DIPK1A: variants seen among roughly 807,000 people sequenced by gnomAD.
The protein encoded by DIPK1A is divergent protein kinase domain 1A.
Under a neutral mutation model 40.8 loss-of-function variants are expected in DIPK1A, and 27 were observed. The ratio of observed to expected loss-of-function variants is 0.66; its 90% CI spans 0.49 to 0.91. The LOEUF (loss-of-function observed/expected upper bound fraction) is 0.91, where lower values mean the gene tolerates loss of function less well. Ranked by LOEUF, DIPK1A falls within the 40% of genes least tolerant of loss-of-function variation. The pLI, the probability that DIPK1A is intolerant of heterozygous loss-of-function variation, is 0.00. For missense variants in DIPK1A, 412 were observed against 505.7 expected (o/e 0.81, Z 1.78); for synonymous variants, 166 against 171.3 (o/e 0.97, Z 0.24).
intron 1 of DIPK1A, among the ~76,000 whole-genome samples, chr1:92,919,575 C>T (rs1335015314): frequency 1.3e-5 from 2 of 152,172 alleles, no homozygotes; most frequent in Admixed American, 6.5e-5. Context: ...ATCATGCTTT[C>T]CTCTGTGCTA....
At chr1:92,952,553 G>A (rs1651674781) in intron 1 of DIPK1A, among the ~76,000 whole-genome samples, 1 of 152,124 alleles carries the variant, frequency 6.6e-6, no homozygotes, top group South Asian at 2.1e-4. Flanking sequence ...AGGAAGGCTA[G>A]GTTGCAGTGA....
At chr1:92,940,747 C>A (rs542642263) in intron 1 of DIPK1A, among the ~76,000 whole-genome samples, 1 of 152,342 alleles carries the variant, frequency 6.6e-6, no homozygotes, top group South Asian at 2.1e-4. Flanking sequence ...TATCATTTTA[C>A]ATCAATGTAT....
intron 1 of DIPK1A, chr1:92,876,917 G>T: frequency 1.1e-6 from 1 of 911,880 alleles, no homozygotes; most frequent in Middle Eastern, 5.6e-4. Flanking sequence ...ACCAGAACAA[G>T]AAATTAAGCT....
At chr1:92,868,044 G>A (rs944722874) in intron 2 of DIPK1A, among the ~76,000 whole-genome samples, 2 of 152,228 alleles carry the variant, frequency 1.3e-5, no homozygotes, top group Non-Finnish European at 2.9e-5. Flanking sequence ...GCATCAATCA[G>A]TGTTAGATTA....
chr1:92,887,195 T>C (rs943023354), intron 1 of DIPK1A, among the ~76,000 whole-genome samples: 4 of 143,732 alleles, frequency 2.8e-5, no homozygotes, highest in African/African-American at 1.0e-4. Context: ...AGCAGGAGGA[T>C]CACTTGAGCC....
At chr1:92,865,875 T>C (rs1647511141) in intron 2 of DIPK1A, among the ~76,000 whole-genome samples, 1 of 152,242 alleles carries the variant, frequency 6.6e-6, no homozygotes, top group Non-Finnish European at 1.5e-5. Context: ...AATAGATTAA[T>C]ATGCACTGTA....
chr1:92,888,310 A>T (rs1420339250), intron 1 of DIPK1A, among the ~76,000 whole-genome samples: 2 of 152,058 alleles, frequency 1.3e-5, no homozygotes, highest in Admixed American at 6.6e-5. Flanking sequence ...TACCTGGCTT[A>T]TTTCACTTAA....
chr1:92,955,637 G>T (rs1179892740), intron 1 of DIPK1A, among the ~76,000 whole-genome samples: 3 of 150,114 alleles, frequency 2.0e-5, no homozygotes, highest in Non-Finnish European at 4.4e-5. Flanking sequence ...GGCAAAGCTT[G>T]CAGTGAGCTG....
In DIPK1A at chr1:92,936,392, C is replaced by T. The variant is rs1650945513; in HGVS notation, c.54+24984G>A. Among the ~76,000 whole-genome samples the T allele has an allele frequency of 2.0e-5, 3 of 152,048 alleles. No individual in the cohort carries two copies. In the South Asian group the frequency reaches 6.2e-4, roughly 32 times the overall value. On this transcript the variant is annotated intron_variant, in intron 1 of 4. Coordinates refer to ENST00000370310, the MANE Select transcript of DIPK1A (RefSeq NM_001006605.5). ...CCTGTAATCCCAACACTTTGGGAGG[C>T]CGAGGCAGGCAGATCACCCGAGGTC... is the stretch of plus-strand genomic sequence containing the variant.
intron 4 of DIPK1A, chr1:92,833,748 G>A: frequency 1.9e-6 from 2 of 1,032,534 alleles, no homozygotes; most frequent in Non-Finnish European, 3.0e-6. Context: ...TGTTAGAAGG[G>A]CTGTCTAGCA....
At chr1:92,897,698 G>T (rs1571104662) in intron 1 of DIPK1A, among the ~76,000 whole-genome samples, 1 of 150,900 alleles carries the variant, frequency 6.6e-6, no homozygotes, top group Admixed American at 6.6e-5. Context: ...TGACCCATTG[G>T]TCACTCAGGA....
Position 92,912,003 on chromosome 1 carries a change from C to CAAAAA in DIPK1A, c.55-35578_55-35574dup, listed in dbSNP as rs5776162. ...TGGGTGACAGAGCAGGACTCCATCT[C>CAAAAA]AAAAAAAAAAAAAAAAAAAAAAAAA... is the stretch of plus-strand genomic sequence containing the variant. On this transcript the variant is annotated intron_variant, in intron 1 of 4. Transcript: ENST00000370310. 1.8e-3 allele frequency among the ~76,000 whole-genome samples: 78 copies of CAAAAA among 43,682 alleles called. 1 individual carries two copies. Among genetic ancestry groups the CAAAAA allele is most frequent in the African/African-American group, 8.3e-3 (72 of 8,720 alleles). 28.7% of individuals were successfully genotyped at this position (43,682 alleles called of 152,430 possible).
At chr1:92,869,324 C>G (rs997901068) in intron 2 of DIPK1A, among the ~76,000 whole-genome samples, 11 of 151,864 alleles carry the variant, frequency 7.2e-5, no homozygotes, top group Non-Finnish European at 1.6e-4. Context: ...CCATGCCCAG[C>G]TAACTTTTTA....
At chr1:92,943,794 T>C (rs1046340104) in intron 1 of DIPK1A, among the ~76,000 whole-genome samples, 2 of 152,108 alleles carry the variant, frequency 1.3e-5, no homozygotes, top group Admixed American at 6.5e-5. Context: ...AGACTAACTT[T>C]TAAAACAGCA....
intron 1 of DIPK1A, among the ~76,000 whole-genome samples, chr1:92,893,090 C>T (rs535166927): frequency 1.7e-4 from 26 of 152,070 alleles, no homozygotes; most frequent in African/African-American, 6.3e-4. Flanking sequence ...AGGATATTAT[C>T]GAGGAGAACT....
intron 1 of DIPK1A, among the ~76,000 whole-genome samples, chr1:92,885,285 G>A (rs1394549147): frequency 2.0e-5 from 3 of 152,112 alleles, no homozygotes; most frequent in Admixed American, 2.0e-4. Flanking sequence ...CCATTGGTTG[G>A]TACTCTGACA....
chr1:92,915,021 G>A (rs917932385), intron 1 of DIPK1A, among the ~76,000 whole-genome samples: 6 of 140,260 alleles, frequency 4.3e-5, no homozygotes, highest in African/African-American at 1.5e-4. Context: ...CTGGGAGGTG[G>A]AGGTTGCAGT....
chr1:92,841,416 T>C (rs1288054087), downstream of DIPK1A, among the ~76,000 whole-genome samples: 2 of 152,254 alleles, frequency 1.3e-5, no homozygotes, highest in Non-Finnish European at 2.9e-5. Flanking sequence ...TTTATCCATT[T>C]ATCTGTTGCT....
intron 1 of DIPK1A, chr1:92,933,753 C>T (rs978821758): frequency 3.3e-5 from 5 of 152,168 alleles, no homozygotes; most frequent in African/African-American, 1.2e-4. Flanking sequence ...GCTTGCAACA[C>T]TATTTGCTGA....
Sources: gnomAD v4.1 joint callset for allele counts (sites outside exome capture counted in the v4.1 genomes callset) on GRCh38, gnomAD v4.1.1 for gene constraint, MANE v1.5 for transcripts, NCBI Gene and HGNC (gene_info 2026-07-23, HGNC 2026-07-21) for gene names.